Variants in CDH13 observed in about 807,000 individuals in gnomAD.
CDH13 encodes cadherin 13, also known as cadherin-13.
Under a neutral mutation model 63.8 loss-of-function variants are expected in CDH13, and 24 were observed. That is an observed-to-expected ratio of 0.38 (90% CI 0.27 to 0.53). The LOEUF is 0.53. Among genes scored for constraint, CDH13 ranks in the 20% least tolerant of loss-of-function variants. The pLI, the probability that CDH13 is intolerant of heterozygous loss-of-function variation, is 0.85. For synonymous variants in CDH13, 503 were observed against 355.3 expected (o/e 1.42, Z -4.67); for missense variants, 1,049 against 903.1 (o/e 1.16, Z -2.07).
chr16:82,722,827 C>T (rs140565787), intron 1 of CDH13, among the ~76,000 whole-genome samples: 41 of 152,274 alleles, frequency 2.7e-4, no homozygotes, highest in Middle Eastern at 3.4e-3. Context: ...GCCTTTTTCA[C>T]GTGAGCCCAC....
intron 6 of CDH13, among the ~76,000 whole-genome samples, chr16:83,379,006 TACACACACAC>T (rs59189186): frequency 2.9e-4 from 43 of 149,030 alleles, no homozygotes; most frequent in African/African-American, 8.8e-4. Context: ...TATATATATA[TACACACACAC>T]ACACACACAC....
At chr16:82,780,643 A>G (rs2035712054) in intron 1 of CDH13, among the ~76,000 whole-genome samples, 1 of 152,230 alleles carries the variant, frequency 6.6e-6, no homozygotes, top group African/African-American at 2.4e-5. Context: ...AGCTCAAGGG[A>G]AGATTCATGG....
chr16:83,537,180 C>T (rs1402728777), intron 7 of CDH13, among the ~76,000 whole-genome samples: 3 of 152,128 alleles, frequency 2.0e-5, no homozygotes, highest in Non-Finnish European at 4.4e-5. Context: ...GTCTCAAAGG[C>T]CCAGCAGGAT....
chr16:83,113,671 G>C (rs765018006), intron 3 of CDH13, among the ~76,000 whole-genome samples: 1 of 152,174 alleles, frequency 6.6e-6, no homozygotes, highest in Admixed American at 6.6e-5. Context: ...AAAAGAGACC[G>C]AGGAAGCCTA....
At chr16:83,106,505 C>T (rs1385696165) in intron 3 of CDH13, among the ~76,000 whole-genome samples, 1 of 152,184 alleles carries the variant, frequency 6.6e-6, no homozygotes, top group Non-Finnish European at 1.5e-5. Context: ...CACGCCATTG[C>T]ACTCCAGCCT....
At chr16:83,162,542 T>TTTACAGGCGTGAGCTACCATTCCC (rs1402282220) in intron 4 of CDH13, among the ~76,000 whole-genome samples, 1 of 152,120 alleles carries the variant, frequency 6.6e-6, no homozygotes. Context: ...TTTTAAAGGT[T>TTTACAGGCGTGAGCTACCATTCCC]GAACAAAGCA....
intron 6 of CDH13, among the ~76,000 whole-genome samples, chr16:83,371,088 G>A (rs1344001690): frequency 1.3e-5 from 2 of 152,226 alleles, no homozygotes; most frequent in Non-Finnish European, 2.9e-5. Flanking sequence ...CTGCTAGTGG[G>A]AATGTAAGTT....
At chr16:82,757,559 A>G (rs970092124) in intron 1 of CDH13, among the ~76,000 whole-genome samples, 3 of 152,130 alleles carry the variant, frequency 2.0e-5, no homozygotes, top group Non-Finnish European at 2.9e-5. Context: ...TTAAAGCTCA[A>G]TTTTAGGTAA....
chr16:83,264,540 G>A (rs1011864721), intron 5 of CDH13, among the ~76,000 whole-genome samples: 4 of 79,958 alleles, frequency 5.0e-5, no homozygotes, highest in African/African-American at 1.7e-4. Context: ...ATATGTGTGT[G>A]TATATATATG....
intron 5 of CDH13, among the ~76,000 whole-genome samples, chr16:83,299,613 G>C (rs1046764085): frequency 2.0e-4 from 30 of 152,240 alleles, no homozygotes; most frequent in African/African-American, 7.0e-4. Flanking sequence ...AAAGACCCTA[G>C]CTTTATTTAG....
intron 3 of CDH13, among the ~76,000 whole-genome samples, chr16:83,112,751 A>T (rs554963046): frequency 5.3e-5 from 8 of 152,312 alleles, no homozygotes; most frequent in African/African-American, 1.9e-4. Context: ...ATTGTTTTTC[A>T]GTAAAATATC....
intron 6 of CDH13, among the ~76,000 whole-genome samples, chr16:83,361,768 T>A (rs2091167342): frequency 6.6e-6 from 1 of 152,136 alleles, no homozygotes; most frequent in Non-Finnish European, 1.5e-5. Flanking sequence ...AGTTCTTTAT[T>A]CTGTCTCATT....
At chr16:82,928,162 G>C (rs1481974997) in intron 2 of CDH13, among the ~76,000 whole-genome samples, 1 of 38,174 alleles carries the variant, frequency 2.6e-5, no homozygotes, top group Non-Finnish European at 7.8e-5. Context: ...AGGCAGTCGT[G>C]TATGTGTGTG....
intron 7 of CDH13, among the ~76,000 whole-genome samples, chr16:83,601,570 C>T (rs529088206): frequency 5.9e-5 from 9 of 152,288 alleles, no homozygotes; most frequent in Non-Finnish European, 1.2e-4. Flanking sequence ...AGTGGGGTTT[C>T]TTCCCCATCT....
chr16:82,719,655 G>T (rs1264519278), intron 1 of CDH13, among the ~76,000 whole-genome samples: 4 of 152,062 alleles, frequency 2.6e-5, no homozygotes, highest in Non-Finnish European at 5.9e-5. Context: ...AGACCAGCCT[G>T]GCCAAGGTGG....
At chr16:83,523,273 C>T (rs73605875) in intron 7 of CDH13, among the ~76,000 whole-genome samples, 7,501 of 152,264 alleles carry the variant, frequency 0.049, 615 homozygotes, top group African/African-American at 0.17. Flanking sequence ...ATAATAGGTG[C>T]TCAGCTAGCA....
At chr16:82,811,645 C>A (rs2037451540) in intron 1 of CDH13, among the ~76,000 whole-genome samples, 1 of 152,072 alleles carries the variant, frequency 6.6e-6, no homozygotes, top group African/African-American at 2.4e-5. Context: ...AAAGAGGGAC[C>A]ATAGAGACCA....
chr16:83,334,529 T>G (rs2090550941), intron 5 of CDH13, among the ~76,000 whole-genome samples: 2 of 77,222 alleles, frequency 2.6e-5, no homozygotes, highest in Admixed American at 3.6e-4. Flanking sequence ...GCACCGCCAC[T>G]CCTGGCTAGT....
intron 4 of CDH13, among the ~76,000 whole-genome samples, chr16:83,184,917 G>T (rs2038470468): frequency 6.7e-6 from 1 of 149,958 alleles, no homozygotes; most frequent in Non-Finnish European, 1.5e-5. Context: ...GCGTGTGTGT[G>T]TGTAGTAGCA....
Sources: allele counts gnomAD v4.1 joint callset (sites outside exome capture counted in the v4.1 genomes callset), GRCh38; gene constraint gnomAD v4.1.1; transcripts MANE v1.5; gene names NCBI Gene and HGNC (gene_info 2026-07-23, HGNC 2026-07-21).